CLIC5: variants seen among roughly 807,000 people sequenced by gnomAD.
CLIC5 encodes CLIC family member 5.
A neutral mutation model predicts 24.7 loss-of-function variants in CLIC5; 20 were observed. The ratio of observed to expected loss-of-function variants is 0.81; its 90% CI spans 0.57 to 1.18. The LOEUF is 1.18. CLIC5 is among the 50% of genes most tolerant of loss of function. CLIC5 has a pLI of 0.00. For synonymous variants in CLIC5, 159 were observed against 135.6 expected, an observed-to-expected ratio of 1.17 and a Z score of -1.20; for missense variants, 341 against 326.1, an observed-to-expected ratio of 1.05 and a Z score of -0.35.
chr6:46,094,411 C>T, the CLIC5 span, among the ~76,000 whole-genome samples: 21 of 152,268 alleles, frequency 1.4e-4, no homozygotes, highest in South Asian at 4.1e-4. Flanking sequence ...CACCTATGAG[C>T]CTGTAAAATA....
At position 45,903,093 on chromosome 6, in the gene CLIC5, A is replaced by C. The variant is rs772163210; in HGVS notation, c.751T>G (p.Ser251Ala). The C allele has an allele frequency of 5.5e-5, 89 of 1,613,974 alleles. No individual in the cohort carries two copies. Among genetic ancestry groups the C allele is most frequent in the Admixed American group, 1.7e-4 (10 of 59,988 alleles). Reference sequence around the variant, plus strand: ...ATGGGGCAAAATGGCTGTGCTCAGGATCGGCTGAGGCGTTTGGCGACATCA... The same window carrying C: ...ATGGGGCAAAATGGCTGTGCTCAGGCTCGGCTGAGGCGTTTGGCGACATCA... ...YADVAKRLSR[S>A] The change falls in exon 6 of 6, where the codon TCC becomes GCC. Residue 251 changes from serine to alanine, a missense_variant. Physicochemically the swap from Ser to Ala is moderately conservative, Grantham distance 99. Coordinates refer to ENST00000339561, the MANE Select transcript of CLIC5 (RefSeq NM_016929.5).
intron 1 of CLIC5, among the ~76,000 whole-genome samples, chr6:45,993,170 G>A (rs569010927): frequency 2.0e-5 from 3 of 152,176 alleles, no homozygotes; most frequent in African/African-American, 7.2e-5. Context: ...AGATGGGGGA[G>A]ATTTTATAAG....
At chr6:46,055,573 AT>A (rs1475710806) in intron 1 of CLIC5, among the ~76,000 whole-genome samples, 3 of 152,206 alleles carry the variant, frequency 2.0e-5, no homozygotes, top group Non-Finnish European at 4.4e-5. Flanking sequence ...TCACTTTTTG[AT>A]TTAATAATAG....
At chr6:45,904,509 A>G in intron 5 of CLIC5, among the ~76,000 whole-genome samples, 2 of 151,420 alleles carry the variant, frequency 1.3e-5, no homozygotes, top group Non-Finnish European at 2.9e-5. Flanking sequence ...TAATTTTTAA[A>G]CAGGGCCCCC....
chr6:46,080,504 G>T (rs6909590), upstream of CLIC5, among the ~76,000 whole-genome samples: 6,992 of 152,196 alleles, frequency 0.046, 161 homozygotes, highest in Middle Eastern at 0.058. Flanking sequence ...TTAGACCCTG[G>T]GGATTTCCTC....
chr6:46,081,981 A>G (rs2127480133), upstream of CLIC5, among the ~76,000 whole-genome samples: 1 of 152,302 alleles, frequency 6.6e-6, no homozygotes, highest in Non-Finnish European at 1.5e-5. Context: ...TATACTACAT[A>G]TCTGTTTGCA....
At chr6:45,882,241 TC>T (rs1235574523) in intron 6 of CLIC5, among the ~76,000 whole-genome samples, 2 of 152,340 alleles carry the variant, frequency 1.3e-5, no homozygotes, top group East Asian at 3.9e-4. Context: ...GATACACATC[TC>T]CCCACCCTTC....
At chr6:46,013,718 C>T (rs1766887628) in intron 1 of CLIC5, among the ~76,000 whole-genome samples, 1 of 152,208 alleles carries the variant, frequency 6.6e-6, no homozygotes, top group Admixed American at 6.5e-5. Flanking sequence ...GAATCGGTCT[C>T]CACACCTAGG....
chr6:46,069,408 A>G (rs116274351), intron 1 of CLIC5, among the ~76,000 whole-genome samples: 2,240 of 152,228 alleles, frequency 0.015, 54 homozygotes, highest in African/African-American at 0.051. Flanking sequence ...AATACAAATA[A>G]CTATCAGAGA....
intron 1 of CLIC5, among the ~76,000 whole-genome samples, chr6:46,033,230 G>A (rs1407616836): frequency 2.0e-5 from 3 of 150,138 alleles, no homozygotes; most frequent in Non-Finnish European, 4.4e-5. Flanking sequence ...CTCATGATCC[G>A]CCCGCCTCGG....
intron 4 of CLIC5, among the ~76,000 whole-genome samples, chr6:45,937,183 T>C (rs1041875975): frequency 6.6e-6 from 1 of 151,968 alleles, no homozygotes; most frequent in African/African-American, 2.4e-5. Context: ...ATAGACTGAA[T>C]GGGTGGGAGA....
At chr6:46,104,974 A>G in the CLIC5 span, among the ~76,000 whole-genome samples, 1 of 151,928 alleles carries the variant, frequency 6.6e-6, no homozygotes, top group Non-Finnish European at 1.5e-5. Context: ...CAGGGAATCA[A>G]TCTCTTTTGG....
At chr6:45,911,656 T>C in intron 5 of CLIC5, 2 of 985,376 alleles carry the variant, frequency 2.0e-6, no homozygotes, top group Non-Finnish European at 2.4e-6. Flanking sequence ...TTCAGGATTT[T>C]AAAGGGCAGA....
chr6:45,898,355 A>C (rs1412351059), downstream of CLIC5: 2 of 149,694 alleles, frequency 1.3e-5, no homozygotes, highest in East Asian at 3.9e-4. Context: ...TGGGAAAATA[A>C]ATTAACCTTT....
chr6:45,917,784 G>A (rs1763088918), intron 4 of CLIC5, among the ~76,000 whole-genome samples: 1 of 152,172 alleles, frequency 6.6e-6, no homozygotes, highest in Non-Finnish European at 1.5e-5. Context: ...TTTGACTGAT[G>A]GTACACAGGT....
Position 45,903,076 on chromosome 6 carries a change from A to C in CLIC5, c.*12T>G, listed in dbSNP as rs1348271792. The C allele has an allele frequency of 6.2e-7, 1 of 1,614,010 alleles. No homozygotes were observed. The highest frequency in any genetic ancestry group is 1.7e-5 in the Admixed American group (1 of 60,012). ...GTCCTTCTGCAGCGGGGATGGGGCA[A>C]AATGGCTGTGCTCAGGATCGGCTGA... On this transcript the variant is annotated 3_prime_UTR_variant, in exon 6 of 6. Coordinates refer to ENST00000339561, the MANE Select transcript of CLIC5 (RefSeq NM_016929.5).
rs1561964405 is a variant in CLIC5, at chr6:45,958,431, T to TATATATATATATACACACACACACAC, written c.64-3188_64-3187insGTGTGTGTGTGTGTATATATATATAT. ...AGTGTCAAAAAGACAATTATATATA[T>TATATATATATATACACACACACACAC]ATATATATATATATATATATATATA... is the stretch of plus-strand genomic sequence containing the variant. On this transcript the variant is annotated intron_variant, in intron 1 of 5. Coordinates refer to ENST00000339561, the MANE Select transcript of CLIC5 (RefSeq NM_016929.5). 4.7e-3 allele frequency among the ~76,000 whole-genome samples: 19 copies of TATATATATATATACACACACACACAC among 4,044 alleles called. 3 individuals carry two copies. The highest frequency in any genetic ancestry group is 7.6e-3 in the African/African-American group (18 of 2,382). The allele number at this position is 4,044 out of a possible 152,430, so 2.7% of individuals were successfully genotyped here.
intron 4 of CLIC5, chr6:45,918,953 T>C (rs956162326): frequency 1.0e-6 from 1 of 985,440 alleles, no homozygotes; most frequent in Non-Finnish European, 1.2e-6. Flanking sequence ...CATACGCTTA[T>C]GCAAGCACAC....
At position 46,015,552 on chromosome 6, in the gene CLIC5, G is replaced by T. The variant is rs780697322; in HGVS notation, c.-10C>A. On this transcript the variant is annotated 5_prime_UTR_variant, in exon 1 of 6. Coordinates refer to ENST00000339561, the MANE Select transcript of CLIC5 (RefSeq NM_016929.5). ...TCGCCGAGTCTGTCATGCCGTTGGC[G>T]CCCGGGGCTACCGTCCCGGGCCGGG... 8.9e-6 allele frequency: 14 copies of T among 1,566,742 alleles called. No homozygotes were observed. In the East Asian group the frequency reaches 2.0e-4, roughly 22 times the overall value.
Sources: allele counts gnomAD v4.1 joint callset (sites outside exome capture counted in the v4.1 genomes callset), GRCh38; gene constraint gnomAD v4.1.1; transcripts MANE v1.5; gene names NCBI Gene and HGNC (gene_info 2026-07-23, HGNC 2026-07-21).